IFT70B: variants seen among roughly 807,000 people sequenced by gnomAD.
IFT70B encodes intraflagellar transport 70B, also known as intraflagellar transport protein 70B.
chr2:177,552,483 A>T, the IFT70B span: 1 of 1,611,150 alleles, frequency 6.2e-7, no homozygotes, highest in South Asian at 1.1e-5. Flanking sequence ...CTCCGCATAA[A>T]GGCAGGCCTT....
chr2:177,551,029 C>T, the IFT70B span: 1 of 1,614,104 alleles, frequency 6.2e-7, no homozygotes, highest in Non-Finnish European at 8.5e-7. Flanking sequence ...GTGTCTGTTC[C>T]CAGCTTTTTG....
chr2:177,549,824 A>T, the IFT70B span: 2 of 152,198 alleles, frequency 1.3e-5, no homozygotes, highest in Non-Finnish European at 2.9e-5. Context: ...TCAAGAGGCT[A>T]CAACATGGAA....
the IFT70B span, chr2:177,550,910 G>A: frequency 6.2e-7 from 1 of 1,614,110 alleles, no homozygotes; most frequent in Middle Eastern, 1.7e-4. Context: ...GAAGTTCACA[G>A]TGTTCTAGAA....
chr2:177,552,131 G>A, the IFT70B span: 1 of 1,614,104 alleles, frequency 6.2e-7, no homozygotes, highest in African/African-American at 1.3e-5. Context: ...TAATCTCAGC[G>A]ATATGCTTCA....
At chr2:177,549,956 C>T in the IFT70B span, 1 of 152,160 alleles carries the variant, frequency 6.6e-6, no homozygotes, top group African/African-American at 2.4e-5. Context: ...TGGGAGTATG[C>T]TTAAGCCTAG....
At chr2:177,549,990 C>A in the IFT70B span, 1 of 152,182 alleles carries the variant, frequency 6.6e-6, no homozygotes, top group Non-Finnish European at 1.5e-5. Flanking sequence ...GCCTGGGCAA[C>A]AAACATAACA....
At chr2:177,550,519 C>T in the IFT70B span, 4 of 341,520 alleles carry the variant, frequency 1.2e-5, no homozygotes, top group East Asian at 5.9e-5. Context: ...AGGAAACAAA[C>T]GTATTACAAC....
the IFT70B span, chr2:177,551,636 G>A: frequency 6.2e-7 from 1 of 1,614,224 alleles, no homozygotes; most frequent in Non-Finnish European, 8.5e-7. Context: ...CAAGCTTAAT[G>A]AAAGCCTCTT....
chr2:177,550,751 C>T, the IFT70B span: 1 of 1,554,764 alleles, frequency 6.4e-7, no homozygotes, highest in Admixed American at 2.1e-5. Context: ...TGATAAATGC[C>T]ACTATCAGCT....
the IFT70B span, chr2:177,551,788 G>A: frequency 6.2e-7 from 1 of 1,614,216 alleles, no homozygotes; most frequent in Non-Finnish European, 8.5e-7. Context: ...AGCAGCAACA[G>A]GTTGCCAAAA....
At chr2:177,552,438 G>A in the IFT70B span, 5 of 1,613,264 alleles carry the variant, frequency 3.1e-6, no homozygotes, top group Non-Finnish European at 3.4e-6. Flanking sequence ...GTGGTAGGCG[G>A]GGTTATCCAG....
chr2:177,552,584 C>T, the IFT70B span: 1 of 1,596,656 alleles, frequency 6.3e-7, no homozygotes, highest in Non-Finnish European at 8.5e-7. Context: ...CCAGCGCGAA[C>T]TCCTGCAGGC....
the IFT70B span, chr2:177,550,821 T>C: frequency 5.0e-6 from 8 of 1,614,062 alleles, no homozygotes; most frequent in East Asian, 1.8e-4. Flanking sequence ...CCTAGACTCA[T>C]ATGTGACTGT....
At chr2:177,551,547 T>C in the IFT70B span, 1 of 1,614,148 alleles carries the variant, frequency 6.2e-7, no homozygotes, top group African/African-American at 1.3e-5. Flanking sequence ...GATAGCTTCA[T>C]CATCTCTATT....
chr2:177,549,756 C>T, the IFT70B span: 2 of 152,320 alleles, frequency 1.3e-5, no homozygotes, highest in Non-Finnish European at 2.9e-5. Flanking sequence ...ATGAAATGAA[C>T]ATTACAACTT....
the IFT70B span, chr2:177,550,682 C>T: frequency 7.9e-7 from 1 of 1,259,788 alleles, no homozygotes; most frequent in African/African-American, 1.5e-5. Context: ...CAACATGTAA[C>T]AAATATAAAG....
chr2:177,550,469 C>T, the IFT70B span: 1 of 230,742 alleles, frequency 4.3e-6, no homozygotes, highest in Non-Finnish European at 8.4e-6. Flanking sequence ...TGTGCAAAGA[C>T]CCCTCAAGAT....
the IFT70B span, chr2:177,551,689 A>G: frequency 6.2e-7 from 1 of 1,614,224 alleles, no homozygotes; most frequent in African/African-American, 1.3e-5. Context: ...AAGAAGTCAT[A>G]GAGATAGGGT....
At chr2:177,552,405 G>A in the IFT70B span, 3 of 1,613,794 alleles carry the variant, frequency 1.9e-6, no homozygotes, top group Non-Finnish European at 2.5e-6. Flanking sequence ...CTTGATAGCA[G>A]CTTGCAGGCG....
Sources: allele counts gnomAD v4.1 joint callset, GRCh38; gene constraint gnomAD v4.1.1; transcripts MANE v1.5; gene names NCBI Gene and HGNC (gene_info 2026-07-23, HGNC 2026-07-21).